GRID2: variants seen among roughly 807,000 people sequenced by gnomAD.
GRID2 encodes the protein glutamate ionotropic receptor delta type subunit 2.
Under a neutral mutation model 114.8 loss-of-function variants are expected in GRID2, and 33 were observed. That is an observed-to-expected ratio of 0.29 (90% CI 0.22 to 0.38). The LOEUF is 0.38. GRID2 is among the 10% of genes least tolerant of loss of function. GRID2 has a pLI of 1.00. For missense variants in GRID2, 1,184 were observed against 1,257.7 expected, an observed-to-expected ratio of 0.94 and a Z score of 0.89; for synonymous variants, 505 against 449.9, an observed-to-expected ratio of 1.12 and a Z score of -1.55.
intron 2 of GRID2, among the ~76,000 whole-genome samples, chr4:92,855,680 C>G (rs1434744869): frequency 2.0e-5 from 3 of 151,622 alleles, no homozygotes; most frequent in Middle Eastern, 3.4e-3. Context: ...GAAAAATAAC[C>G]ATTGTTGTTT....
chr4:92,343,368 ACT>A (rs1300278176), intron 1 of GRID2, among the ~76,000 whole-genome samples: 1 of 151,816 alleles, frequency 6.6e-6, no homozygotes, highest in Non-Finnish European at 1.5e-5. Context: ...ATAAATGTAC[ACT>A]CTCTGTATTT....
At chr4:92,959,944 T>C (rs1233610554) in intron 2 of GRID2, among the ~76,000 whole-genome samples, 1 of 151,800 alleles carries the variant, frequency 6.6e-6, no homozygotes, top group Non-Finnish European at 1.5e-5. Flanking sequence ...CCATGGCACA[T>C]GTGTACCTAT....
chr4:93,795,883 G>A (rs887891143), intron 1 of GRID2, among the ~76,000 whole-genome samples: 7 of 152,192 alleles, frequency 4.6e-5, no homozygotes, highest in Non-Finnish European at 1.0e-4. Context: ...AAAGCATTGA[G>A]GAGCGTGTGG....
At chr4:92,755,505 C>A (rs1737671115) in intron 2 of GRID2, among the ~76,000 whole-genome samples, 1 of 152,058 alleles carries the variant, frequency 6.6e-6, no homozygotes, top group African/African-American at 2.4e-5. Flanking sequence ...AAGGAAACAT[C>A]TCTTTGAATA....
chr4:93,120,018 G>A (rs1331311151), intron 4 of GRID2, among the ~76,000 whole-genome samples: 1 of 152,198 alleles, frequency 6.6e-6, no homozygotes, highest in East Asian at 1.9e-4. Context: ...CTGGTCGTAA[G>A]AGAAATGCAA....
chr4:92,627,151 C>CCAA, intron 2 of GRID2, among the ~76,000 whole-genome samples: 1 of 151,954 alleles, frequency 6.6e-6, no homozygotes, highest in South Asian at 2.1e-4. Flanking sequence ...GGTTATAAGA[C>CCAA]ATGAGAGATT....
At chr4:93,099,857 C>G (rs1033108130) in intron 3 of GRID2, among the ~76,000 whole-genome samples, 1 of 151,828 alleles carries the variant, frequency 6.6e-6, no homozygotes, top group African/African-American at 2.4e-5. Context: ...TCTGTGTAGT[C>G]TTGATGTAGG....
In GRID2 at chr4:93,283,887, C is replaced by T. The variant is rs1355564609; in HGVS notation, c.1245+45397C>T. Among the ~76,000 whole-genome samples the T allele has an allele frequency of 3.6e-4, 55 of 151,944 alleles. 1 individual carries two copies. The highest frequency in any genetic ancestry group is 1.3e-4 in the Non-Finnish European group (9 of 67,972). Reference sequence around the variant, plus strand: ...TCATTAACATTCCAAAACTTATCTGCGGGTAGTAGTTTACACTGGAGGACC... The same window carrying T: ...TCATTAACATTCCAAAACTTATCTGTGGGTAGTAGTTTACACTGGAGGACC... On this transcript the variant is annotated intron_variant, in intron 8 of 15. Coordinates refer to ENST00000282020, the MANE Select transcript of GRID2 (RefSeq NM_001510.4).
chr4:93,494,220 C>A (rs1461886781), intron 12 of GRID2, among the ~76,000 whole-genome samples: 1 of 151,826 alleles, frequency 6.6e-6, no homozygotes, highest in Admixed American at 6.6e-5. Flanking sequence ...CCAAATGAAG[C>A]TGCAGTGCAT....
chr4:93,045,635 CTT>C (rs1199948086), intron 2 of GRID2, among the ~76,000 whole-genome samples: 1 of 152,100 alleles, frequency 6.6e-6, no homozygotes, highest in African/African-American at 2.4e-5. Flanking sequence ...TTAAAACTTA[CTT>C]TTATTAACCT....
intron 13 of GRID2, among the ~76,000 whole-genome samples, chr4:93,543,658 G>A (rs566810035): frequency 6.6e-6 from 1 of 151,972 alleles, no homozygotes; most frequent in Admixed American, 6.6e-5. Context: ...AAGGGCAAGG[G>A]AGTGAGAGCA....
At chr4:93,709,694 C>T (rs1001865472) in intron 14 of GRID2, among the ~76,000 whole-genome samples, 2 of 152,154 alleles carry the variant, frequency 1.3e-5, no homozygotes, top group African/African-American at 4.8e-5. Context: ...TCCGTGTCTC[C>T]TCTTTAAGGC....
At chr4:92,522,756 G>A (rs894358490) in intron 1 of GRID2, among the ~76,000 whole-genome samples, 2 of 151,886 alleles carry the variant, frequency 1.3e-5, no homozygotes, top group Non-Finnish European at 2.9e-5. Flanking sequence ...AGGAAGGAAT[G>A]CTTCTCAAAT....
chr4:92,910,230 A>C (rs1748268693), intron 2 of GRID2, among the ~76,000 whole-genome samples: 1 of 152,094 alleles, frequency 6.6e-6, no homozygotes, highest in Non-Finnish European at 1.5e-5. Context: ...AAAAAAAGTA[A>C]ATGCTCAGGA....
Position 92,555,508 on chromosome 4 carries a change from G to T in GRID2, c.89-34623G>T, listed in dbSNP as rs193089490. On this transcript the variant is annotated intron_variant, in intron 1 of 15. Transcript: ENST00000282020. ...GCAAAAGAAATGGAAGGAAGAGATG[G>T]TGAGAAAAATGAAGGCAGCTGGCAT... 3.9e-5 allele frequency among the ~76,000 whole-genome samples: 6 copies of T among 152,232 alleles called. No individual in the cohort carries two copies. In the East Asian group the frequency reaches 1.2e-3, roughly 29 times the overall value.
At chr4:92,365,469 C>G (rs1033060495) in intron 1 of GRID2, among the ~76,000 whole-genome samples, 1 of 151,500 alleles carries the variant, frequency 6.6e-6, no homozygotes, top group East Asian at 1.9e-4. Context: ...TGAGAGTTAA[C>G]AGAGACTGGG....
chr4:92,440,844 G>T (rs1409531544), intron 1 of GRID2, among the ~76,000 whole-genome samples: 1 of 152,122 alleles, frequency 6.6e-6, no homozygotes, highest in African/African-American at 2.4e-5. Context: ...TAATGTGGGA[G>T]GCTGAAGTCT....
At chr4:92,473,088 G>A (rs1357898702) in intron 1 of GRID2, among the ~76,000 whole-genome samples, 2 of 151,978 alleles carry the variant, frequency 1.3e-5, no homozygotes, top group Non-Finnish European at 2.9e-5. Context: ...TATCTTATGA[G>A]TTATAGATCA....
chr4:92,398,137 T>C (rs894251269), intron 1 of GRID2, among the ~76,000 whole-genome samples: 2 of 152,162 alleles, frequency 1.3e-5, no homozygotes, highest in African/African-American at 2.4e-5. Flanking sequence ...GTTAAATACA[T>C]TGTGGCAGAT....
Sources: allele counts gnomAD v4.1 joint callset (sites outside exome capture counted in the v4.1 genomes callset), GRCh38; gene constraint gnomAD v4.1.1; transcripts MANE v1.5; gene names NCBI Gene and HGNC (gene_info 2026-07-23, HGNC 2026-07-21).